PDE4D: variants seen among roughly 807,000 people sequenced by gnomAD.
PDE4D encodes 3',5'-cyclic-AMP phosphodiesterase 4D.
A neutral mutation model predicts 87.4 loss-of-function variants in PDE4D; 24 were observed. That is an observed-to-expected ratio of 0.27 (90% CI 0.20 to 0.39). The LOEUF (loss-of-function observed/expected upper bound fraction) is 0.39. Ranked by LOEUF, PDE4D falls within the 10% of genes least tolerant of loss-of-function variation. PDE4D has a pLI of 1.00. For synonymous variants in PDE4D, 384 were observed against 383.2 expected, an observed-to-expected ratio of 1.00 and a Z score of -0.02; for missense variants, 714 against 1,041.0, an observed-to-expected ratio of 0.69 and a Z score of 4.32.
chr5:60,469,125 A>C (rs1234325708), intron 1 of PDE4D, among the ~76,000 whole-genome samples: 2 of 152,150 alleles, frequency 1.3e-5, no homozygotes, highest in African/African-American at 4.8e-5. Context: ...CCCATAAATA[A>C]GCATCTGTCC....
chr5:59,114,497 G>T (rs1475457008), intron 5 of PDE4D, among the ~76,000 whole-genome samples: 1 of 152,164 alleles, frequency 6.6e-6, no homozygotes, highest in Non-Finnish European at 1.5e-5. Context: ...AAATATTGGG[G>T]TTCCAAGCTT....
intron 1 of PDE4D, among the ~76,000 whole-genome samples, chr5:60,343,949 A>T (rs984696850): frequency 5.3e-5 from 8 of 150,738 alleles, no homozygotes; most frequent in African/African-American, 1.7e-4. Context: ...CTCTGGTTCA[A>T]ATACTTAAGA....
At chr5:60,254,233 T>C (rs777487719) in intron 1 of PDE4D, among the ~76,000 whole-genome samples, 1 of 151,932 alleles carries the variant, frequency 6.6e-6, no homozygotes, top group African/African-American at 2.4e-5. Context: ...CAATCAGAGA[T>C]GTTCACATTA....
intron 1 of PDE4D, among the ~76,000 whole-genome samples, chr5:59,633,173 A>G (rs1004476506): frequency 1.3e-5 from 2 of 152,182 alleles, no homozygotes; most frequent in Non-Finnish European, 2.9e-5. Context: ...TAAAGCATGA[A>G]GACAAGATTA....
intron 1 of PDE4D, among the ~76,000 whole-genome samples, chr5:60,446,937 G>A (rs765150106): frequency 4.7e-4 from 72 of 152,268 alleles, no homozygotes; most frequent in Non-Finnish European, 9.0e-4. Context: ...TTTGTGGGGG[G>A]CGCTGGAGGC....
At chr5:59,794,327 G>A (rs1766205824) in intron 1 of PDE4D, among the ~76,000 whole-genome samples, 1 of 152,188 alleles carries the variant, frequency 6.6e-6, no homozygotes, top group Non-Finnish European at 1.5e-5. Flanking sequence ...GCAAAACTTT[G>A]TAGGTAGAAA....
intron 1 of PDE4D, among the ~76,000 whole-genome samples, chr5:59,771,449 G>GA (rs1210123545): frequency 1.4e-5 from 1 of 68,968 alleles, no homozygotes; most frequent in African/African-American, 7.2e-5. Flanking sequence ...AAGAAAGAAA[G>GA]AAAGAAAGAA....
At chr5:59,280,463 GA>G (rs1301409727) in intron 1 of PDE4D, among the ~76,000 whole-genome samples, 2 of 151,972 alleles carry the variant, frequency 1.3e-5, no homozygotes, top group African/African-American at 4.8e-5. Context: ...CTGGATTTCA[GA>G]AGAAAAACTA....
At chr5:59,460,446 C>G (rs573519414) in intron 1 of PDE4D, among the ~76,000 whole-genome samples, 37 of 152,258 alleles carry the variant, frequency 2.4e-4, no homozygotes, top group Admixed American at 1.2e-3. Context: ...ACCCAACCAC[C>G]AGATGATGTC....
chr5:59,587,026 T>C (rs1825252888), intron 1 of PDE4D: 1 of 983,734 alleles, frequency 1.0e-6, no homozygotes, highest in South Asian at 4.7e-5. Flanking sequence ...CTGGTTCAAC[T>C]GCAAAAGTAG....
chr5:59,108,592 T>C (rs1772017252), intron 5 of PDE4D, among the ~76,000 whole-genome samples: 1 of 152,164 alleles, frequency 6.6e-6, no homozygotes, highest in East Asian at 1.9e-4. Flanking sequence ...TTTCTCAAAA[T>C]TCTTACCTTA....
At chr5:59,659,148 A>T (rs1744841922) in intron 1 of PDE4D, among the ~76,000 whole-genome samples, 1 of 152,254 alleles carries the variant, frequency 6.6e-6, no homozygotes, top group South Asian at 2.1e-4. Flanking sequence ...AGTAAATAAA[A>T]GCAACTTTTG....
chr5:59,768,636 C>T (rs1763109716), intron 1 of PDE4D: 1 of 1,527,338 alleles, frequency 6.5e-7, no homozygotes, highest in Non-Finnish European at 8.7e-7. Flanking sequence ...TCGCCTGCCT[C>T]AGTCTCTCTG....
At chr5:59,135,947 A>G (rs148125517) in intron 5 of PDE4D, among the ~76,000 whole-genome samples, 140 of 151,836 alleles carry the variant, frequency 9.2e-4, no homozygotes, top group African/African-American at 3.2e-3. Context: ...CAGGAAAAAC[A>G]AGCATAAAAG....
chr5:59,838,674 T>C (rs1189290666), intron 1 of PDE4D, among the ~76,000 whole-genome samples: 1 of 152,104 alleles, frequency 6.6e-6, no homozygotes, highest in African/African-American at 2.4e-5. Context: ...GTAGTTAGAT[T>C]AGCACTTAGA....
intron 2 of PDE4D, among the ~76,000 whole-genome samples, chr5:60,047,600 A>T (rs62371511): frequency 0.51 from 76,920 of 151,234 alleles, 20,046 homozygotes; most frequent in East Asian, 0.83. Flanking sequence ...AGAACATCTT[A>T]ATTTCTGCCT....
chr5:60,144,038 C>G (rs1225601142), intron 2 of PDE4D, among the ~76,000 whole-genome samples: 1 of 152,144 alleles, frequency 6.6e-6, no homozygotes, highest in Non-Finnish European at 1.5e-5. Context: ...TTGCTCCTCC[C>G]TAGTCACTCT....
At chr5:59,271,072 C>T (rs1373774248) in intron 1 of PDE4D, among the ~76,000 whole-genome samples, 1 of 150,018 alleles carries the variant, frequency 6.7e-6, no homozygotes, top group African/African-American at 2.5e-5. Flanking sequence ...CAGAGTCTTG[C>T]TCTGTCACCC....
chr5:60,259,906 T>C (rs989390347), intron 1 of PDE4D, among the ~76,000 whole-genome samples: 7 of 152,030 alleles, frequency 4.6e-5, no homozygotes, highest in South Asian at 2.1e-4. Flanking sequence ...TGGCTACTTC[T>C]GCTTTGCAGA....
Sources: allele counts gnomAD v4.1 joint callset (sites outside exome capture counted in the v4.1 genomes callset), GRCh38; gene constraint gnomAD v4.1.1; transcripts MANE v1.5; gene names NCBI Gene and HGNC (gene_info 2026-07-23, HGNC 2026-07-21).